The following POMZP3 variants were observed in gnomAD, a reference collection of about 807,000 sequenced individuals.
The protein encoded by POMZP3 is POM121 and ZP3 fusion protein.
Under a neutral mutation model 19.8 loss-of-function variants are expected in POMZP3, and 10 were observed. The observed-to-expected ratio is 0.51, with a 90% CI of 0.31 to 0.86. The LOEUF (loss-of-function observed/expected upper bound fraction) is 0.86, where lower values mean the gene tolerates loss of function less well. Among genes scored for constraint, POMZP3 ranks in the 40% least tolerant of loss-of-function variants. POMZP3 has a pLI of 0.04. For synonymous variants in POMZP3, 57 were observed against 85.8 expected, an observed-to-expected ratio of 0.66 and a Z score of 1.85; for missense variants, 152 against 228.1, an observed-to-expected ratio of 0.67 and a Z score of 2.15.
intron 3 of POMZP3, among the ~76,000 whole-genome samples, chr7:76,621,679 G>A (rs1226518480): frequency 5.3e-5 from 8 of 151,784 alleles, no homozygotes; most frequent in Admixed American, 3.9e-4. Flanking sequence ...GGTGGCTCAC[G>A]CCTGTAATCC....
intron 4 of POMZP3, chr7:76,615,417 T>A (rs1815253540): frequency 1.1e-5 from 1 of 88,586 alleles, no homozygotes; most frequent in Admixed American, 1.0e-4. Flanking sequence ...CTTCAGGCCA[T>A]CTCATCAATA....
intron 3 of POMZP3, among the ~76,000 whole-genome samples, chr7:76,624,872 C>A (rs866782633): frequency 6.6e-6 from 1 of 151,714 alleles, no homozygotes; most frequent in Non-Finnish European, 1.5e-5. Flanking sequence ...GTGGCTCAAG[C>A]CTGTAATCCC....
At chr7:76,614,405 A>G (rs1201384993) in intron 4 of POMZP3, among the ~76,000 whole-genome samples, 2 of 83,712 alleles carry the variant, frequency 2.4e-5, no homozygotes, top group African/African-American at 1.0e-4. Context: ...AAAAAAATAC[A>G]GAAATTAGCT....
intron 3 of POMZP3, among the ~76,000 whole-genome samples, chr7:76,621,713 G>A (rs369032713): frequency 5.9e-5 from 9 of 151,676 alleles, no homozygotes; most frequent in Admixed American, 2.0e-4. Flanking sequence ...GGCTGAGGCG[G>A]GCGGATCACG....
Position 76,613,945 on chromosome 7 carries a change from G to C in POMZP3, c.346-2132C>G, listed in dbSNP as rs1180148397. Among the ~76,000 whole-genome samples, 51 of 87,758 alleles carry C rather than the reference G, an allele frequency of 5.8e-4. 18 individuals are homozygous for C. Among genetic ancestry groups the C allele is most frequent in the African/African-American group, 3.3e-3 (51 of 15,628 alleles). The allele number at this position is 87,758 out of a possible 152,430, so 57.6% of individuals were successfully genotyped here. ...ATTCCTCCCTGCTCAACCTCGGGCA[G>C]AGCATGGCAATTCTGCCACCTTGCA... On this transcript the variant is annotated intron_variant, in intron 4 of 6. Transcript: ENST00000310842.
At chr7:76,622,412 T>C (rs1584352403) in intron 3 of POMZP3, among the ~76,000 whole-genome samples, 2 of 122,826 alleles carry the variant, frequency 1.6e-5, no homozygotes, top group South Asian at 5.4e-4. Flanking sequence ...GGAGTCTCGC[T>C]CTGTCACCCA....
Position 76,611,572 on chromosome 7 carries a change from G to T in POMZP3, c.457C>A (p.Leu153Met), listed in dbSNP as rs543957173. 20 of 1,599,104 alleles carry T rather than the reference G, an allele frequency of 1.3e-5. No homozygotes were observed. The South Asian group carries it at 1.8e-4, about 14-fold the overall frequency. Residue 153 changes from leucine (L) to methionine (M), a missense_variant, in exon 6 of 7, where the codon CTG becomes ATG. By Grantham distance (15) the Leu-to-Met change is conservative (BLOSUM62 2). Coordinates refer to ENST00000310842, the MANE Select transcript of POMZP3 (RefSeq NM_012230.5). ...TTACAGCATTGACAGATGTCAGCCA[G>T]GCCTTCCACTGGGAACCAGCTGAGA... is the stretch of plus-strand genomic sequence containing the variant. ...PSNSWFPVEG[L>M]ADICQCCNKG... is the part of the protein sequence containing the mutation.
At chr7:76,618,119 A>AC in intron 4 of POMZP3, 64 bp downstream of exon 4, 9 of 1,272,526 alleles carry the variant, frequency 7.1e-6, no homozygotes, top group Non-Finnish European at 9.0e-6. Context: ...CTAGTGAGTG[A>AC]CCCCATTCAG....
chr7:76,627,220 G>T lies in POMZP3; in HGVS notation c.-664C>A, dbSNP rs887119540. The stretch of plus-strand genomic sequence containing the variant: ...CACTCGCTATCGGCCGCCGCCGCTC[G>T]CCTGCTCCAGCCGCCGCAGCCGCCG... On this transcript the variant is annotated 5_prime_UTR_variant, in exon 1 of 7. Transcript: ENST00000310842. 1.4e-6 allele frequency: 2 copies of T among 1,414,290 alleles called. No homozygotes were observed. The highest frequency in any genetic ancestry group is 1.9e-6 in the Non-Finnish European group (2 of 1,076,408). 87.6% of individuals were successfully genotyped at this position (1,414,290 alleles called of 1,614,324 possible).
rs1276063329 is a variant in POMZP3 at position 76,617,952 on chromosome 7, A to G, written c.345+231T>C. ...TCCACCCACCTCGGCCTCCCAAAGT[A>G]TTGGGATTACAAGCATGAGCCACCG... On this transcript the variant is annotated intron_variant, in intron 4 of 6. Transcript: ENST00000310842. Among the ~76,000 whole-genome samples the G allele has an allele frequency of 2.5e-5, 3 of 122,442 alleles. 1 individual carries two copies. Among genetic ancestry groups the G allele is most frequent in the African/African-American group, 1.2e-4 (3 of 25,328 alleles). The allele number at this position is 122,442 out of a possible 152,430, so 80.3% of individuals were successfully genotyped here.
intron 2 of POMZP3, 27 bp downstream of exon 2, chr7:76,625,973 G>A: frequency 1.9e-6 from 3 of 1,612,658 alleles, no homozygotes; most frequent in Non-Finnish European, 2.5e-6. Flanking sequence ...CGAAAAGGGA[G>A]AGTATTCTTC....
intron 6 of POMZP3, 29 bp downstream of exon 6, chr7:76,611,424 GA>G: frequency 1.3e-6 from 2 of 1,529,192 alleles, no homozygotes; most frequent in Non-Finnish European, 1.8e-6. Flanking sequence ...AAGGGACAAT[GA>G]ACAGCCTCTT....
At chr7:76,619,571 T>G (rs1471577088) in intron 3 of POMZP3, among the ~76,000 whole-genome samples, 1 of 146,730 alleles carries the variant, frequency 6.8e-6, no homozygotes, top group East Asian at 2.0e-4. Context: ...TCTGAAATTT[T>G]CCGCCTAGAG....
intron 4 of POMZP3, 116 bp from the exon 5 acceptor site, chr7:76,611,929 T>C (rs1815128802): frequency 2.6e-6 from 4 of 1,532,774 alleles, no homozygotes; most frequent in Admixed American, 4.0e-5. Context: ...CCGGGTGCGA[T>C]GGCACACACC....
chr7:76,625,463 A>T (rs1396672321), intron 3 of POMZP3, 59 bp downstream of exon 3: 6 of 1,597,192 alleles, frequency 3.8e-6, no homozygotes, highest in Non-Finnish European at 4.3e-6. Flanking sequence ...GAATGTCTAC[A>T]TCTCATCCCA....
chr7:76,625,987 C>T lies in POMZP3; in HGVS notation c.65+13G>A. The T allele has an allele frequency of 1.2e-6, 2 of 1,613,460 alleles. No homozygotes were observed. The highest frequency in any genetic ancestry group is 8.5e-7 in the Non-Finnish European group (1 of 1,179,580). On this transcript the variant is annotated intron_variant, in intron 2 of 6. Coordinates refer to ENST00000310842, the MANE Select transcript of POMZP3 (RefSeq NM_012230.5). ...ACGAAAAGGGAGAGTATTCTTCCAA[C>T]GATAATACTCACATCGCAGAACGCG...
At chr7:76,625,802 C>T (rs1815855649) in intron 2 of POMZP3, 119 bp from the exon 3 acceptor site, 1 of 1,395,488 alleles carries the variant, frequency 7.2e-7, no homozygotes, top group Admixed American at 2.2e-5. Flanking sequence ...CAACAGTTCC[C>T]CTTAGCAAGT....
intron 3 of POMZP3, chr7:76,618,515 G>T (rs1447930522): frequency 4.7e-6 from 3 of 641,828 alleles, no homozygotes. Context: ...CACCTACTCG[G>T]GAGGCTGAGG....
chr7:76,613,507 C>CCT (rs1324313208), intron 4 of POMZP3, among the ~76,000 whole-genome samples: 3 of 67,408 alleles, frequency 4.5e-5, no homozygotes, highest in Non-Finnish European at 8.9e-5. Context: ...CCCCCCTACC[C>CCT]TTTTTTTTTT....
Sources: gnomAD v4.1 joint callset for allele counts (sites outside exome capture counted in the v4.1 genomes callset) on GRCh38, gnomAD v4.1.1 for gene constraint, MANE v1.5 for transcripts, NCBI Gene and HGNC (gene_info 2026-07-23, HGNC 2026-07-21) for gene names.